Variants in PREX2 observed in about 807,000 individuals in gnomAD.
PREX2 encodes the protein phosphatidylinositol 3,4,5-trisphosphate-dependent Rac exchanger 2 protein.
Under a neutral mutation model 203.2 loss-of-function variants are expected in PREX2, and 107 were observed. The observed-to-expected ratio is 0.53, with a 90% CI of 0.45 to 0.62. The LOEUF (loss-of-function observed/expected upper bound fraction) is 0.62. PREX2 is among the 20% of genes least tolerant of loss of function. The pLI is 0.00. For synonymous variants in PREX2, 672 were observed against 663.6 expected (o/e 1.01, Z -0.19); for missense variants, 1,777 against 1,955.9 (o/e 0.91, Z 1.72).
At chr8:68,182,962 A>G (rs567467676) in intron 35 of PREX2, among the ~76,000 whole-genome samples, 1 of 151,724 alleles carries the variant, frequency 6.6e-6, no homozygotes, top group South Asian at 2.1e-4. Context: ...GGAGAGAACC[A>G]TATGCAAAAA....
At chr8:68,028,571 TAA>T (rs932205373) in intron 5 of PREX2, among the ~76,000 whole-genome samples, 4 of 152,048 alleles carry the variant, frequency 2.6e-5, no homozygotes, top group African/African-American at 9.7e-5. Context: ...ATTAAAGAAA[TAA>T]GAGTCTAGCA....
At chr8:68,100,397 A>G (rs2129612587) in intron 23 of PREX2, among the ~76,000 whole-genome samples, 1 of 152,326 alleles carries the variant, frequency 6.6e-6, no homozygotes, top group South Asian at 2.1e-4. Context: ...AGAGACAGCA[A>G]GTAAGTAAAT....
chr8:68,149,124 CA>C (rs1441800730), intron 34 of PREX2, among the ~76,000 whole-genome samples: 3 of 152,152 alleles, frequency 2.0e-5, no homozygotes, highest in Non-Finnish European at 4.4e-5. Flanking sequence ...TTACTAAAGT[CA>C]ACCCTCCTAA....
Position 68,030,602 on chromosome 8 carries a change from C to G in PREX2, c.649C>G (p.Gln217Glu), listed in dbSNP as rs1217941004. 1.2e-6 allele frequency: 2 copies of G among 1,613,672 alleles called. No individual in the cohort carries two copies. The highest frequency in any genetic ancestry group is 2.2e-5 in the South Asian group (2 of 91,058). Residue 217 changes from glutamine (Q) to glutamate (E), a missense_variant, in exon 6 of 40, where the codon CAG (glutamine) becomes GAG (glutamate). By Grantham distance (29) the Gln-to-Glu change is conservative (BLOSUM62 2). Transcript: ENST00000288368. The part of the protein sequence containing the change: ...VCSNINEAKR[Q>E]MEKLEVLEEW... ...TTCCAACATAAACGAGGCCAAGAGA[C>G]AGATGGAGAAGTTAGAAGTTTTAGA... is the stretch of plus-strand genomic sequence containing the variant.
chr8:68,027,818 G>A (rs1401674555), intron 5 of PREX2, among the ~76,000 whole-genome samples: 1 of 152,078 alleles, frequency 6.6e-6, no homozygotes, highest in Non-Finnish European at 1.5e-5. Context: ...AATGTGGAAT[G>A]AGATTGCTAA....
chr8:67,971,273 T>A (rs936662800), intron 1 of PREX2, among the ~76,000 whole-genome samples: 1 of 152,100 alleles, frequency 6.6e-6, no homozygotes, highest in African/African-American at 2.4e-5. Context: ...TGGGCACAGG[T>A]GAGACCTGAG....
At chr8:68,162,725 GC>G (rs1811679643) in intron 35 of PREX2, among the ~76,000 whole-genome samples, 3 of 152,108 alleles carry the variant, frequency 2.0e-5, no homozygotes, top group Admixed American at 6.5e-5. Context: ...GAAAAGCTGG[GC>G]CAGGGAGAAA....
At chr8:68,105,394 T>C (rs537495546) in intron 23 of PREX2, 2 of 1,342,676 alleles carry the variant, frequency 1.5e-6, no homozygotes, top group African/African-American at 3.0e-5. Flanking sequence ...CAGGCACCCT[T>C]AGACACAGTA....
In PREX2 at chr8:68,231,587, TC is replaced by T. The variant is rs369212990; in HGVS notation, c.*210del. The stretch of plus-strand genomic sequence containing the variant: ...ATGGATAGAAGTTCAATCAGACAGT[TC>T]AGCTTCACGAACTGATGTCTCTCTG... On this transcript the variant is annotated 3_prime_UTR_variant, in exon 40 of 40. Coordinates refer to ENST00000288368, the MANE Select transcript of PREX2 (RefSeq NM_024870.4). 1.1e-4 allele frequency: 47 copies of T among 410,002 alleles called. No individual in the cohort carries two copies. Among genetic ancestry groups the T allele is most frequent in the East Asian group, 1.1e-3 (30 of 27,426 alleles). 25.4% of individuals were successfully genotyped at this position (410,002 alleles called of 1,614,324 possible).
chr8:68,114,795 G>A (rs1388570827), intron 25 of PREX2, among the ~76,000 whole-genome samples: 1 of 152,172 alleles, frequency 6.6e-6, no homozygotes, highest in Non-Finnish European at 1.5e-5. Context: ...CAAGACTCCT[G>A]TTTGTACGAG....
intron 19 of PREX2, 60 bp downstream of exon 19, chr8:68,087,869 A>G: frequency 9.4e-7 from 1 of 1,063,216 alleles, no homozygotes; most frequent in Non-Finnish European, 1.5e-6. Context: ...TGCCCGATGG[A>G]ACAGGAATGT....
At chr8:68,099,942 G>A (rs1430802290) in intron 23 of PREX2, 99 bp downstream of exon 23, 1 of 1,107,326 alleles carries the variant, frequency 9.0e-7, no homozygotes, top group Non-Finnish European at 1.4e-6. Context: ...ATATTTGTTA[G>A]GTACCATTTT....
intron 31 of PREX2, among the ~76,000 whole-genome samples, chr8:68,133,478 A>G (rs1811048576): frequency 6.6e-6 from 1 of 152,246 alleles, no homozygotes; most frequent in African/African-American, 2.4e-5. Context: ...ATATTCTTAT[A>G]TATTAGAACA....
At chr8:68,142,102 TA>T (rs1204369097) in intron 33 of PREX2, among the ~76,000 whole-genome samples, 1 of 152,138 alleles carries the variant, frequency 6.6e-6, no homozygotes, top group Admixed American at 6.6e-5. Flanking sequence ...GCACATTTCT[TA>T]AAATCAGTGA....
At chr8:68,136,205 C>A (rs141615657) in intron 32 of PREX2, among the ~76,000 whole-genome samples, 11 of 152,120 alleles carry the variant, frequency 7.2e-5, no homozygotes, top group African/African-American at 2.7e-4. Flanking sequence ...CTGAGCTATA[C>A]ATTTTAAATG....
chr8:68,112,310 T>A (rs1810550400), intron 25 of PREX2, among the ~76,000 whole-genome samples: 1 of 152,206 alleles, frequency 6.6e-6, no homozygotes. Context: ...ATAATTAATG[T>A]CCAAAACCTT....
At chr8:68,129,483 G>T (rs2129613296) in intron 31 of PREX2, among the ~76,000 whole-genome samples, 1 of 152,176 alleles carries the variant, frequency 6.6e-6, no homozygotes, top group East Asian at 1.9e-4. Flanking sequence ...ATGTTTATTT[G>T]AAAAGGGTAG....
intron 1 of PREX2, among the ~76,000 whole-genome samples, chr8:68,014,955 A>G (rs1216481277): frequency 6.6e-6 from 1 of 152,176 alleles, no homozygotes; most frequent in Non-Finnish European, 1.5e-5. Flanking sequence ...AAAAAGTTTG[A>G]AACCCACTAG....
intron 35 of PREX2, among the ~76,000 whole-genome samples, chr8:68,164,546 T>G (rs894366734): frequency 1.3e-5 from 2 of 151,414 alleles, no homozygotes; most frequent in Non-Finnish European, 2.9e-5. Context: ...GAAAAACAGC[T>G]GGTGATCTGG....
Sources: gnomAD v4.1 joint callset for allele counts (sites outside exome capture counted in the v4.1 genomes callset) on GRCh38, gnomAD v4.1.1 for gene constraint, MANE v1.5 for transcripts, NCBI Gene and HGNC (gene_info 2026-07-23, HGNC 2026-07-21) for gene names.